GRK5: variants seen among roughly 807,000 people sequenced by gnomAD.
GRK5 encodes g protein-coupled receptor kinase GRK5.
A neutral mutation model predicts 78.4 loss-of-function variants in GRK5; 40 were observed. The ratio of observed to expected loss-of-function variants is 0.51; its 90% CI spans 0.40 to 0.66. The LOEUF is 0.66. Ranked by LOEUF, GRK5 falls within the 30% of genes least tolerant of loss-of-function variation. The probability of loss-of-function intolerance (pLI) is 0.00; values close to 1 mark genes in which losing one functional copy is unlikely to be tolerated. For synonymous variants in GRK5, 289 were observed against 296.8 expected (o/e 0.97, Z 0.27); for missense variants, 598 against 759.9 (o/e 0.79, Z 2.50).
chr10:119,295,964 A>C (rs1420278338), intron 1 of GRK5, among the ~76,000 whole-genome samples: 2 of 152,170 alleles, frequency 1.3e-5, no homozygotes, highest in Non-Finnish European at 2.9e-5. Context: ...AATAATAAAA[A>C]AAGAAAACCC....
At chr10:119,256,167 G>A (rs1411224796) in intron 1 of GRK5, among the ~76,000 whole-genome samples, 1 of 151,972 alleles carries the variant, frequency 6.6e-6, no homozygotes, top group East Asian at 1.9e-4. Context: ...ACTGTCCCAG[G>A]AAAGCCTCCC....
At chr10:119,416,029 C>G (rs536829171) in intron 4 of GRK5, among the ~76,000 whole-genome samples, 7 of 152,164 alleles carry the variant, frequency 4.6e-5, no homozygotes, top group Non-Finnish European at 1.0e-4. Flanking sequence ...AAAGGATTAT[C>G]GGTGGCTCTG....
intron 12 of GRK5, among the ~76,000 whole-genome samples, chr10:119,447,664 C>T (rs142998133): frequency 8.3e-4 from 127 of 152,324 alleles, no homozygotes; most frequent in African/African-American, 2.9e-3. Flanking sequence ...GATTAGCCCC[C>T]CATGAGTCTG....
intron 1 of GRK5, among the ~76,000 whole-genome samples, chr10:119,289,403 A>T (rs902490741): frequency 6.6e-6 from 1 of 152,156 alleles, no homozygotes; most frequent in Admixed American, 6.5e-5. Context: ...GAAGTGCTTA[A>T]TGTCTTTGCT....
intron 1 of GRK5, among the ~76,000 whole-genome samples, chr10:119,226,703 C>T (rs1396997856): frequency 6.6e-6 from 1 of 151,594 alleles, no homozygotes. Context: ...TGCTACCATG[C>T]CCGGCTTTTT....
intron 4 of GRK5, among the ~76,000 whole-genome samples, chr10:119,416,229 T>G (rs976147477): frequency 6.6e-6 from 1 of 152,244 alleles, no homozygotes; most frequent in African/African-American, 2.4e-5. Flanking sequence ...TTCGCACTGA[T>G]GCAGGAAATG....
At chr10:119,256,956 AC>A (rs1281129115) in intron 1 of GRK5, among the ~76,000 whole-genome samples, 1 of 152,222 alleles carries the variant, frequency 6.6e-6, no homozygotes, top group African/African-American at 2.4e-5. Context: ...TCTATTGTGG[AC>A]ATTTCACGTA....
rs1469764537 is a variant in GRK5 at position 119,455,178 on chromosome 10, G to C, written c.*111G>C. 2.3e-6 allele frequency: 2 copies of C among 875,580 alleles called. No homozygotes were observed. The highest frequency in any genetic ancestry group is 2.7e-5 in the South Asian group (2 of 74,254). 54.2% of individuals were successfully genotyped at this position (875,580 alleles called of 1,614,324 possible). On this transcript the variant is annotated 3_prime_UTR_variant, in exon 16 of 16. Coordinates refer to ENST00000392870, the MANE Select transcript of GRK5 (RefSeq NM_005308.3). ...GGGGCTGCCAGGGGAGACCCCGGGA[G>C]CCGGGGAAGGAGGCCGTCCATCCCG...
At chr10:119,394,364 G>GTGGA (rs1851976044) in intron 3 of GRK5, among the ~76,000 whole-genome samples, 1 of 106,168 alleles carries the variant, frequency 9.4e-6, no homozygotes, top group Non-Finnish European at 2.1e-5. Flanking sequence ...GTGTGTGGGT[G>GTGGA]TGTGTGGGTG....
chr10:119,384,650 T>G (rs1475699000), intron 3 of GRK5, among the ~76,000 whole-genome samples: 1 of 152,214 alleles, frequency 6.6e-6, no homozygotes, highest in Non-Finnish European at 1.5e-5. Context: ...ACGTGGCCCA[T>G]GGTCTGTGAA....
intron 1 of GRK5, among the ~76,000 whole-genome samples, chr10:119,315,908 C>G (rs551897510): frequency 6.6e-6 from 1 of 152,258 alleles, no homozygotes; most frequent in African/African-American, 2.4e-5. Flanking sequence ...CGAAAGACCC[C>G]GCTTCATGAC....
At chr10:119,343,863 A>C (rs1851026433) in intron 2 of GRK5, among the ~76,000 whole-genome samples, 1 of 152,272 alleles carries the variant, frequency 6.6e-6, no homozygotes, top group Admixed American at 6.5e-5. Context: ...CTTCCAGGCT[A>C]TATGAGATGC....
At chr10:119,329,751 A>G (rs1354677598) in intron 2 of GRK5, among the ~76,000 whole-genome samples, 3 of 151,752 alleles carry the variant, frequency 2.0e-5, no homozygotes, top group Non-Finnish European at 4.4e-5. Flanking sequence ...AACAAAAACA[A>G]AAAAAACCTC....
chr10:119,393,791 T>C (rs1279352541), intron 3 of GRK5, among the ~76,000 whole-genome samples: 1 of 152,194 alleles, frequency 6.6e-6, no homozygotes, highest in Non-Finnish European at 1.5e-5. Context: ...GGACTAATAA[T>C]ACCTACCATG....
intron 2 of GRK5, among the ~76,000 whole-genome samples, chr10:119,359,257 T>C (rs1233747825): frequency 6.6e-6 from 1 of 152,140 alleles, no homozygotes; most frequent in Non-Finnish European, 1.5e-5. Flanking sequence ...ACGAGAGGGC[T>C]TGGGGGCAGT....
chr10:119,440,279 A>G (rs1043326030), intron 10 of GRK5, among the ~76,000 whole-genome samples: 2 of 152,128 alleles, frequency 1.3e-5, no homozygotes, highest in African/African-American at 4.8e-5. Flanking sequence ...ACGTTTGTGC[A>G]TTACCATCAT....
At chr10:119,229,007 C>G (rs1003913751) in intron 1 of GRK5, among the ~76,000 whole-genome samples, 2 of 152,108 alleles carry the variant, frequency 1.3e-5, no homozygotes, top group Admixed American at 1.3e-4. Context: ...TGTAAATACA[C>G]ATCATTAAGG....
At chr10:119,339,316 G>A (rs574823517) in intron 2 of GRK5, among the ~76,000 whole-genome samples, 131 of 152,318 alleles carry the variant, frequency 8.6e-4, no homozygotes, top group African/African-American at 2.7e-3. Flanking sequence ...GCGTGACAGC[G>A]TTCTGCCCCA....
chr10:119,459,396 A>G lies in GRK5; in HGVS notation c.*4329A>G, dbSNP rs1333633116. ...AGCCAGCTCTCCCTGGCAGAGAAAG[A>G]CACTTCCCCCCCAAAGTGGAATTTA... On this transcript the variant is annotated 3_prime_UTR_variant, in exon 16 of 16. Coordinates refer to ENST00000392870, the MANE Select transcript of GRK5 (RefSeq NM_005308.3). 1 of 149,898 alleles carries G rather than the reference A, an allele frequency of 6.7e-6. No homozygotes were observed. Among genetic ancestry groups the G allele is most frequent in the Non-Finnish European group, 1.5e-5 (1 of 66,776 alleles). The allele number at this position is 149,898 out of a possible 1,614,324, so 9.3% of individuals were successfully genotyped here. A position where few individuals can be genotyped will look rare whatever the true frequency, so the allele number is the denominator to read the frequency against.
Sources: gnomAD v4.1 joint callset for allele counts (sites outside exome capture counted in the v4.1 genomes callset) on GRCh38, gnomAD v4.1.1 for gene constraint, MANE v1.5 for transcripts, NCBI Gene and HGNC (gene_info 2026-07-23, HGNC 2026-07-21) for gene names.